The following ESRP2 variants were observed in gnomAD, a reference collection of about 807,000 sequenced individuals.
The protein encoded by ESRP2 is epithelial splicing regulatory protein 2.
A neutral mutation model predicts 78.6 loss-of-function variants in ESRP2; 48 were observed. The observed-to-expected ratio is 0.61, with a 90% confidence interval of 0.48 to 0.78. The LOEUF (loss-of-function observed/expected upper bound fraction) is 0.78, where lower values mean the gene tolerates loss of function less well. Among genes scored for constraint, ESRP2 ranks in the 30% least tolerant of loss-of-function variants. The probability of loss-of-function intolerance (pLI) is 0.00; values close to 1 mark genes in which losing one functional copy is unlikely to be tolerated. For missense variants in ESRP2, 863 were observed against 965.9 expected, an observed-to-expected ratio of 0.89 and a Z score of 1.41; for synonymous variants, 383 against 406.7, an observed-to-expected ratio of 0.94 and a Z score of 0.70.
Position 68,236,059 on chromosome 16 carries a change from G to A in ESRP2, c.-14C>T. 1 of 1,416,708 alleles carries A rather than the reference G, an allele frequency of 7.1e-7. No homozygotes were observed. The highest frequency in any genetic ancestry group is 9.1e-7 in the Non-Finnish European group (1 of 1,098,190). 87.8% of individuals were successfully genotyped at this position (1,416,708 alleles called of 1,614,324 possible). A position where few individuals can be genotyped will look rare whatever the true frequency, so the allele number is the denominator to read the frequency against. Reference sequence around the variant, plus strand: ...CGGCGGAGTCATGGCCGCAGAGGAAGGGGGCTCTCGGCCAGACACGCGGAC... The same window carrying A: ...CGGCGGAGTCATGGCCGCAGAGGAAAGGGGCTCTCGGCCAGACACGCGGAC... On this transcript the variant is annotated 5_prime_UTR_variant, in exon 1 of 15. Transcript: ENST00000473183. The surrounding 1 kb of genome is among the most constrained non-coding windows in gnomAD (Gnocchi z 5.2).
At position 68,233,763 on chromosome 16, in the gene ESRP2, G is replaced by C. The variant is rs1567565874; in HGVS notation, c.556+5C>G. ...TCCACCCTAACCCTGCTGGGTCACA[G>C]ATACCCTGTGCCATGGTGGCCACAG... is the stretch of plus-strand genomic sequence containing the variant. On this transcript the variant is annotated splice_donor_5th_base_variant and intron_variant, in intron 4 of 14. Transcript: ENST00000473183. 3 of 1,609,456 alleles carry C rather than the reference G, an allele frequency of 1.9e-6. No homozygotes were observed. The East Asian group carries it at 6.7e-5, about 36-fold the overall frequency.
At position 68,231,796 on chromosome 16, in the gene ESRP2, G is replaced by A. The variant is rs370392861; in HGVS notation, c.1299+6C>T. On this transcript the variant is annotated splice_donor_region_variant and intron_variant, in intron 10 of 14. Coordinates refer to ENST00000473183, the MANE Select transcript of ESRP2 (RefSeq NM_024939.3). This position sits in a 1 kb window ranked among gnomAD's most constrained non-coding sequence, Gnocchi z 6.0. ...CATCTGGGGGTGGGGAGCCCTGGGC[G>A]CTCACCTGCTGCACTTCGGCTGCAG... The A allele has an allele frequency of 2.6e-5, 42 of 1,606,822 alleles. No individual in the cohort carries two copies. Among genetic ancestry groups the A allele is most frequent in the African/African-American group, 1.1e-4 (8 of 74,766 alleles).
rs200128822 is a variant in ESRP2 at position 68,233,740 on chromosome 16, C to T, written c.556+28G>A. On this transcript the variant is annotated intron_variant, in intron 4 of 14. Coordinates refer to ENST00000473183, the MANE Select transcript of ESRP2 (RefSeq NM_024939.3). ...ACACATGTACCCACAGTGGCTTCTC[C>T]ACCCTAACCCTGCTGGGTCACAGAT... is the stretch of plus-strand genomic sequence containing the variant. 93 of 1,568,204 alleles carry T rather than the reference C, an allele frequency of 5.9e-5. No individual in the cohort carries two copies. In the South Asian group the frequency reaches 9.1e-4, roughly 15 times the overall value.
Position 68,232,559 on chromosome 16 carries a change from C to G in ESRP2, c.821+18G>C. 1 of 1,614,176 alleles carries G rather than the reference C, an allele frequency of 6.2e-7. No homozygotes were observed. The highest frequency in any genetic ancestry group is 8.5e-7 in the Non-Finnish European group (1 of 1,180,030). ...GGTAGGCCTGTCCAATTGGGCCCAC[C>G]CACCCTGCCACACCCACCTGGCCAC... On this transcript the variant is annotated intron_variant, in intron 7 of 14. Transcript: ENST00000473183. The surrounding 1 kb of genome is among the most constrained non-coding windows in gnomAD (Gnocchi z 5.2).
At chr16:68,234,170 G>A in intron 2 of ESRP2, 63 bp from the exon 3 acceptor site, 1 of 1,316,200 alleles carries the variant, frequency 7.6e-7, no homozygotes, top group Non-Finnish European at 1.1e-6. Flanking sequence ...CAGGAAGTGA[G>A]GGTAGGAGGA....
chr16:68,232,503 C>A lies in ESRP2; in HGVS notation c.822G>T (p.Arg274Ser), dbSNP rs991488842. 6.2e-7 allele frequency: 1 copy of A among 1,614,106 alleles called. No individual in the cohort carries two copies. The highest frequency in any genetic ancestry group is 8.5e-7 in the Non-Finnish European group (1 of 1,179,982). The part of the protein sequence containing the change: ...ARFFKGLNVA[R>S]GGVALCLNAQ... The stretch of plus-strand genomic sequence containing the variant: ...CGTTGAGGCAGAGTGCTACACCACC[C>A]CTGTGGAGCCAGTGCTGTTAGTGCC... The change falls in exon 8 of 15, where the codon AGG becomes AGT. Residue 274 changes from arginine to serine, a missense_variant and splice_region_variant. Arg to Ser is a moderately radical substitution (Grantham distance 110, BLOSUM62 -1). Transcript: ENST00000473183. The surrounding 1 kb of genome is among the most constrained non-coding windows in gnomAD (Gnocchi z 5.2).
chr16:68,230,873 T>C lies in ESRP2; in HGVS notation c.1866A>G (p.Gln622=). ...PVAYYPGPAT[Q]LYLNYTAYYP... is the part of the protein sequence containing the mutation. ...AGTAGGCTGTGTAGTTCAGGTAGAG[T>C]TGAGTGGCTGGCCCTGGATAGTAGG... Residue 622 remains glutamine (Q), a synonymous_variant, in exon 13 of 15, where the codon CAA becomes CAG. Coordinates refer to ENST00000473183, the MANE Select transcript of ESRP2 (RefSeq NM_024939.3). 6.2e-7 allele frequency: 1 copy of C among 1,613,720 alleles called. No individual in the cohort carries two copies. The highest frequency in any genetic ancestry group is 8.5e-7 in the Non-Finnish European group (1 of 1,179,900).
At position 68,235,922 on chromosome 16, in the gene ESRP2, C is replaced by G. The variant is rs2042221464; in HGVS notation, c.124G>C (p.Gly42Arg). 1.2e-6 allele frequency: 2 copies of G among 1,603,028 alleles called. No homozygotes were observed. The highest frequency in any genetic ancestry group is 2.7e-5 in the African/African-American group (2 of 74,746). The change falls in exon 1 of 15, where the codon GGA becomes CGA. Residue 42 changes from glycine to arginine, a missense_variant. Transcript: ENST00000473183. The surrounding 1 kb of genome is among the most constrained non-coding windows in gnomAD (Gnocchi z 5.5). Reference protein sequence around the residue: ...VLFGATAGALGRDLGSDETDL... With the variant: ...VLFGATAGALRRDLGSDETDL... ...GTCTCGTCCGAGCCCAGGTCCCGTC[C>G]CAGCGCACCCGCCGTAGCCCCGAAG... is the stretch of plus-strand genomic sequence containing the variant.
chr16:68,231,271 C>T lies in ESRP2; in HGVS notation c.1618G>A (p.Val540Met), dbSNP rs757214739. 5.6e-6 allele frequency: 9 copies of T among 1,614,118 alleles called. No individual in the cohort carries two copies. Among genetic ancestry groups the T allele is most frequent in the Admixed American group, 1.7e-5 (1 of 60,020 alleles). ...ATCTCCTCTGTGGAACAGGGGACCA[C>T]CTCCACGTAGCGCTCCTTCATCACC... is the stretch of plus-strand genomic sequence containing the variant. ...KKVMKERYVE[V>M]VPCSTEEMSR... The change falls in exon 12 of 15, where the codon GTG (valine) becomes ATG (methionine). Residue 540 changes from valine to methionine, a missense_variant. Val to Met is a conservative substitution (Grantham distance 21, BLOSUM62 1). Coordinates refer to ENST00000473183, the MANE Select transcript of ESRP2 (RefSeq NM_024939.3). This position sits in a 1 kb window ranked among gnomAD's most constrained non-coding sequence, Gnocchi z 6.0.
In ESRP2 at chr16:68,235,307, G is replaced by T; in HGVS notation, c.327+327C>A. 1.0e-6 allele frequency: 1 copy of T among 985,146 alleles called. No homozygotes were observed. The highest frequency in any genetic ancestry group is 1.2e-6 in the Non-Finnish European group (1 of 829,854). 61.0% of individuals were successfully genotyped at this position (985,146 alleles called of 1,614,324 possible). ...CTTTCGCTTCCGGCTGCGGCTCAGG[G>T]AGACCTGACCCAGCAGGTCTCCCAA... On this transcript the variant is annotated intron_variant, in intron 2 of 14. Transcript: ENST00000473183. This position sits in a 1 kb window ranked among gnomAD's most constrained non-coding sequence, Gnocchi z 5.5.
Position 68,230,372 on chromosome 16 carries a change from C to T in ESRP2, c.2064+17G>A, listed in dbSNP as rs372754505. On this transcript the variant is annotated intron_variant, in intron 14 of 14. Transcript: ENST00000473183. ...GCTCAGCCAGACCCGCCAGGCCCTC[C>T]GGCCACACAATCTCACCTGGTAGGC... The T allele has an allele frequency of 1.3e-5, 21 of 1,613,952 alleles. No individual in the cohort carries two copies. Among genetic ancestry groups the T allele is most frequent in the Admixed American group, 6.7e-5 (4 of 60,004 alleles).
rs141215159 is a variant in ESRP2, at chr16:68,235,853, G to A, written c.193C>T (p.Arg65Cys). The change falls in exon 1 of 15, where the codon CGC becomes TGC. Residue 65 changes from arginine to cysteine, a missense_variant. Arg to Cys is a radical substitution (Grantham distance 180). Transcript: ENST00000473183. The surrounding 1 kb of genome is among the most constrained non-coding windows in gnomAD (Gnocchi z 5.5). The stretch of plus-strand genomic sequence containing the variant: ...CCGCCTCTTTTCCACCCTACCTGGC[G>A]GCTCCGCGGCTCAACCACTTGCCAA... ...LVWQVVEPRS[R>C]QVGTLHKSLV... 1.4e-5 allele frequency: 23 copies of A among 1,611,856 alleles called. 1 individual carries two copies. The highest frequency in any genetic ancestry group is 1.7e-5 in the Non-Finnish European group (20 of 1,179,564).
At position 68,232,405 on chromosome 16, in the gene ESRP2, C is replaced by T; in HGVS notation, c.920G>A (p.Arg307Lys). The change falls in exon 8 of 15, where the codon AGA becomes AAA. Residue 307 changes from arginine (R) to lysine (K), a missense_variant. Arg to Lys is a conservative substitution (Grantham distance 26). Coordinates refer to ENST00000473183, the MANE Select transcript of ESRP2 (RefSeq NM_024939.3). The surrounding 1 kb of genome is among the most constrained non-coding windows in gnomAD (Gnocchi z 5.2). ...GCGGACGCCCATGTGGTGCTTGTGTCTCTGCAGCGCTAGGTCCCGCTGCTC... is the reference window on the plus strand; with the variant it reads ...GCGGACGCCCATGTGGTGCTTGTGTTTCTGCAGCGCTAGGTCCCGCTGCTC... The part of the protein sequence containing the change: ...DSEQRDLALQ[R>K]HKHHMGVRYI... 6.2e-7 allele frequency: 1 copy of T among 1,614,084 alleles called. No individual in the cohort carries two copies. Among genetic ancestry groups the T allele is most frequent in the Non-Finnish European group, 8.5e-7 (1 of 1,179,994 alleles).
chr16:68,231,978 T>G lies in ESRP2; in HGVS notation c.1123A>C (p.Thr375Pro). Residue 375 changes from threonine to proline, a missense_variant, in exon 10 of 15, where the codon ACT becomes CCT. Coordinates refer to ENST00000473183, the MANE Select transcript of ESRP2 (RefSeq NM_024939.3). This position sits in a 1 kb window ranked among gnomAD's most constrained non-coding sequence, Gnocchi z 6.0. The stretch of plus-strand genomic sequence containing the variant: ...AAGAGCAGCCCCTCGGTACCCCCAG[T>G]CACTGGGCACTCTGGCCCCAGGAAG... ...LGFLGPECPV[T>P]GGTEGLLFVR... is the part of the protein sequence containing the mutation. 1 of 1,613,950 alleles carries G rather than the reference T, an allele frequency of 6.2e-7. No individual in the cohort carries two copies. The highest frequency in any genetic ancestry group is 1.3e-5 in the African/African-American group (1 of 74,966).
chr16:68,232,242 T>G lies in ESRP2; in HGVS notation c.997+4A>C. 1 of 1,614,128 alleles carries G rather than the reference T, an allele frequency of 6.2e-7. No individual in the cohort carries two copies. On this transcript the variant is annotated splice_donor_region_variant and intron_variant, in intron 9 of 14. Transcript: ENST00000473183. This position sits in a 1 kb window ranked among gnomAD's most constrained non-coding sequence, Gnocchi z 5.2. ...GAGCCAGGCCCTGTTTGCAGTATACTCACCCCCTGCAATCTTTACAAACTC... is the reference window on the plus strand; with the variant it reads ...GAGCCAGGCCCTGTTTGCAGTATACGCACCCCCTGCAATCTTTACAAACTC...
chr16:68,234,425 G>A, intron 2 of ESRP2: 1 of 274,926 alleles, frequency 3.6e-6, no homozygotes, highest in Non-Finnish European at 6.8e-6. Context: ...AAGCAGGTGG[G>A]AAGGGGCGGG....
rs1326893605 is a variant in ESRP2, at chr16:68,229,997, T to G, written c.*229A>C. 1.7e-6 allele frequency: 1 copy of G among 577,162 alleles called. No homozygotes were observed. Among genetic ancestry groups the G allele is most frequent in the Non-Finnish European group, 3.1e-6 (1 of 323,010 alleles). 35.8% of individuals were successfully genotyped at this position (577,162 alleles called of 1,614,324 possible). On this transcript the variant is annotated 3_prime_UTR_variant, in exon 15 of 15. Transcript: ENST00000473183. ...CCTGGCTCAGGCCATCAGGAGCTGG[T>G]TAGCCCCATTCCACCCCCAGCCCTG...
At position 68,236,014 on chromosome 16, in the gene ESRP2, G is replaced by A. The variant is rs1291509195; in HGVS notation, c.32C>T (p.Pro11Leu). MTPPPPPPPP[P>L]GPDPAADPAA... ...GGGGTCGGCCGCGGGGTCAGGGCCCGGGGGAGGGGGCGGCGGCGGCGGCGG... is the reference window on the plus strand; with the variant it reads ...GGGGTCGGCCGCGGGGTCAGGGCCCAGGGGAGGGGGCGGCGGCGGCGGCGG... Residue 11 changes from proline (P) to leucine (L), a missense_variant, in exon 1 of 15, where the codon CCG becomes CTG. Coordinates refer to ENST00000473183, the MANE Select transcript of ESRP2 (RefSeq NM_024939.3). This position sits in a 1 kb window ranked among gnomAD's most constrained non-coding sequence, Gnocchi z 5.2. 1.3e-6 allele frequency: 2 copies of A among 1,496,886 alleles called. No homozygotes were observed. The highest frequency in any genetic ancestry group is 1.8e-6 in the Non-Finnish European group (2 of 1,131,626). 92.7% of individuals were successfully genotyped at this position (1,496,886 alleles called of 1,614,324 possible). A position where few individuals can be genotyped will look rare whatever the true frequency, so the allele number is the denominator to read the frequency against.
At position 68,232,624 on chromosome 16, in the gene ESRP2, T is replaced by C. The variant is rs1567565032; in HGVS notation, c.774A>G (p.Ser258=). ...AGAAGCGAGCCACGTCCTGGTCTGA[T>C]GACTGCCACGGCAACCCACGAGCCC... The part of the protein sequence containing the change: ...VVRARGLPWQ[S]SDQDVARFFK... The change falls in exon 7 of 15, where the codon TCA becomes TCG. Residue 258 remains serine (S), a synonymous_variant. Transcript: ENST00000473183. The surrounding 1 kb of genome is among the most constrained non-coding windows in gnomAD (Gnocchi z 5.2). The C allele has an allele frequency of 6.2e-7, 1 of 1,614,040 alleles. No individual in the cohort carries two copies. Among genetic ancestry groups the C allele is most frequent in the Non-Finnish European group, 8.5e-7 (1 of 1,180,048 alleles).
Sources: allele counts gnomAD v4.1 joint callset, GRCh38; gene constraint gnomAD v4.1.1; non-coding constraint Gnocchi (gnomAD v3.1); transcripts MANE v1.5; gene names NCBI Gene and HGNC (gene_info 2026-07-23, HGNC 2026-07-21).